ABCA13: variants seen among roughly 807,000 people sequenced by gnomAD.
The protein encoded by ABCA13 is ATP binding cassette subfamily A member 13, also known as ATP-binding cassette sub-family A member 13.
A neutral mutation model predicts 478.7 loss-of-function variants in ABCA13; 476 were observed. The ratio of observed to expected loss-of-function variants is 0.99; its 90% CI spans 0.92 to 1.07. ABCA13 has a LOEUF of 1.07. Among genes scored for constraint, ABCA13 ranks in the 50% least tolerant of loss-of-function variants. The pLI is 0.00. For missense variants in ABCA13, 6,060 were observed against 5,910.6 expected (o/e 1.03, Z -0.83); for synonymous variants, 2,252 against 2,158.9 (o/e 1.04, Z -1.20).
At chr7:48,643,192 C>A in intron 59 of ABCA13, 96 bp from the exon 60 acceptor site, 1 of 748,380 alleles carries the variant, frequency 1.3e-6, no homozygotes, top group African/African-American at 1.8e-5. Flanking sequence ...GGAGTAATTA[C>A]TTCCTTTTTC....
chr7:48,244,228 A>T (rs1020905646), intron 10 of ABCA13, among the ~76,000 whole-genome samples: 3 of 152,236 alleles, frequency 2.0e-5, no homozygotes, highest in Admixed American at 2.0e-4. Flanking sequence ...CTTTTCTCAA[A>T]ATATTTTTCT....
chr7:48,637,864 A>T (rs1794800412), intron 59 of ABCA13, among the ~76,000 whole-genome samples: 1 of 152,222 alleles, frequency 6.6e-6, no homozygotes, highest in Non-Finnish European at 1.5e-5. Context: ...AAGGAATTTA[A>T]TTCACTCATT....
intron 51 of ABCA13, among the ~76,000 whole-genome samples, chr7:48,516,426 G>T (rs991759915): frequency 6.6e-6 from 1 of 152,090 alleles, no homozygotes; most frequent in African/African-American, 2.4e-5. Context: ...GGCAGTGCTT[G>T]TGTTCAAGGG....
intron 42 of ABCA13, among the ~76,000 whole-genome samples, chr7:48,449,006 C>T (rs1005451647): frequency 6.6e-6 from 1 of 152,006 alleles, no homozygotes; most frequent in Non-Finnish European, 1.5e-5. Flanking sequence ...CCACGCCCAG[C>T]TAATTTTTGT....
chr7:48,234,618 C>T (rs1880740), intron 8 of ABCA13, among the ~76,000 whole-genome samples: 10,798 of 152,246 alleles, frequency 0.071, 591 homozygotes, highest in Non-Finnish European at 0.11. Context: ...AGCCTCTTCC[C>T]TAACTAGGTG....
chr7:48,247,342 T>A (rs770312030), intron 13 of ABCA13, among the ~76,000 whole-genome samples: 74 of 152,192 alleles, frequency 4.9e-4, no homozygotes, highest in Non-Finnish European at 8.8e-4. Flanking sequence ...AGATGTCAGC[T>A]CTTTCCTGGC....
At chr7:48,535,820 G>T (rs750366074) in intron 55 of ABCA13, among the ~76,000 whole-genome samples, 4 of 152,080 alleles carry the variant, frequency 2.6e-5, no homozygotes, top group Non-Finnish European at 5.9e-5. Context: ...TTACCCCGCT[G>T]CCATACAGCC....
intron 32 of ABCA13, among the ~76,000 whole-genome samples, chr7:48,371,898 C>A (rs1236770613): frequency 6.6e-6 from 1 of 152,136 alleles, no homozygotes; most frequent in Non-Finnish European, 1.5e-5. Context: ...CAGCTTTTGT[C>A]CATTCAGTAT....
At chr7:48,377,193 CAA>C (rs528881294) in intron 35 of ABCA13, among the ~76,000 whole-genome samples, 16 of 73,750 alleles carry the variant, frequency 2.2e-4, no homozygotes, top group Admixed American at 4.5e-4. Flanking sequence ...TATCAATGGC[CAA>C]AAAAAAAAAA....
intron 39 of ABCA13, among the ~76,000 whole-genome samples, chr7:48,405,268 G>A (rs568913290): frequency 7.9e-5 from 12 of 152,338 alleles, no homozygotes; most frequent in East Asian, 1.9e-4. Context: ...CTCTGCTCTG[G>A]CCTGACCCCT....
chr7:48,508,077 G>A, intron 50 of ABCA13, 28 bp downstream of exon 50: 2 of 1,613,558 alleles, frequency 1.2e-6, no homozygotes, highest in Non-Finnish European at 1.7e-6. Context: ...GATTCTGTGT[G>A]CCTCCACAAT....
At chr7:48,549,805 C>G (rs772234735) in intron 55 of ABCA13, among the ~76,000 whole-genome samples, 3 of 151,736 alleles carry the variant, frequency 2.0e-5, no homozygotes, top group Admixed American at 6.6e-5. Flanking sequence ...TTACATTTCT[C>G]TAAGGATCAG....
chr7:48,382,446 TG>T (rs1814535531), intron 35 of ABCA13, among the ~76,000 whole-genome samples: 1 of 152,090 alleles, frequency 6.6e-6, no homozygotes, highest in Non-Finnish European at 1.5e-5. Flanking sequence ...GATGGGGAGT[TG>T]GGGGGCAGTC....
At chr7:48,516,922 C>T (rs1238680980) in intron 52 of ABCA13, 41 bp downstream of exon 52, 2 of 1,585,688 alleles carry the variant, frequency 1.3e-6, no homozygotes, top group South Asian at 1.1e-5. Context: ...TTCTGCACCT[C>T]TAGTGCAAAG....
intron 48 of ABCA13, among the ~76,000 whole-genome samples, chr7:48,502,600 G>T (rs1256193624): frequency 6.6e-6 from 1 of 152,158 alleles, no homozygotes; most frequent in Admixed American, 6.5e-5. Flanking sequence ...CCAGACACGT[G>T]TGCTGAAGAA....
intron 29 of ABCA13, among the ~76,000 whole-genome samples, chr7:48,342,509 T>C (rs991310355): frequency 6.6e-6 from 1 of 152,222 alleles, no homozygotes; most frequent in Non-Finnish European, 1.5e-5. Flanking sequence ...CCCCTTCTTT[T>C]ACTTCTTTAT....
At chr7:48,593,763 A>G (rs1009283725) in intron 57 of ABCA13, among the ~76,000 whole-genome samples, 1 of 151,128 alleles carries the variant, frequency 6.6e-6, no homozygotes, top group African/African-American at 2.4e-5. Context: ...GTGTCAATGA[A>G]CTCTTTCAGC....
At chr7:48,514,048 GA>G (rs1326159695) in intron 51 of ABCA13, among the ~76,000 whole-genome samples, 1 of 152,174 alleles carries the variant, frequency 6.6e-6, no homozygotes, top group African/African-American at 2.4e-5. Context: ...TAAGTAACTA[GA>G]TACAGATCCT....
chr7:48,580,457 C>T, intron 56 of ABCA13, 83 bp downstream of exon 56: 1 of 1,398,958 alleles, frequency 7.1e-7, no homozygotes, highest in Admixed American at 2.0e-5. Context: ...GCAGCTCTCT[C>T]ACCCTATGAG....
Sources: gnomAD v4.1 joint callset for allele counts (sites outside exome capture counted in the v4.1 genomes callset) on GRCh38, gnomAD v4.1.1 for gene constraint, MANE v1.5 for transcripts, NCBI Gene and HGNC (gene_info 2026-07-23, HGNC 2026-07-21) for gene names.